Variants in FRMD4B observed in about 807,000 individuals in gnomAD.
FRMD4B encodes FERM domain-containing protein 4B.
FRMD4B carries 74 observed loss-of-function variants against 141.5 expected under a neutral mutation model. The observed-to-expected ratio is 0.52, with a 90% CI of 0.43 to 0.63. The LOEUF (loss-of-function observed/expected upper bound fraction) is 0.63, where lower values mean the gene tolerates loss of function less well. Among genes scored for constraint, FRMD4B ranks in the 30% least tolerant of loss-of-function variants. The pLI is 0.00. For missense variants in FRMD4B, 1,366 were observed against 1,253.4 expected (o/e 1.09, Z -1.36); for synonymous variants, 506 against 467.9 (o/e 1.08, Z -1.05).
At chr3:69,436,936 C>A (rs76512339) in intron 1 of FRMD4B, among the ~76,000 whole-genome samples, 2 of 152,132 alleles carry the variant, frequency 1.3e-5, no homozygotes, top group Non-Finnish European at 2.9e-5. Flanking sequence ...CAGTTGAATA[C>A]ACAGAGACAG....
intron 11 of FRMD4B, among the ~76,000 whole-genome samples, chr3:69,212,371 A>AG (rs2093091802): frequency 1.2e-5 from 1 of 86,904 alleles, no homozygotes; most frequent in East Asian, 2.9e-4. Flanking sequence ...AAAAAAAAAA[A>AG]AAAAAAAAAG....
At chr3:69,335,745 T>C (rs1422588852) in intron 1 of FRMD4B, among the ~76,000 whole-genome samples, 1 of 151,300 alleles carries the variant, frequency 6.6e-6, no homozygotes, top group South Asian at 2.1e-4. Context: ...TTTTTTTTTT[T>C]TTTCTTTTGA....
At chr3:69,476,485 G>C (rs9840703) in intron 1 of FRMD4B, among the ~76,000 whole-genome samples, 3,725 of 152,110 alleles carry the variant, frequency 0.024, 168 homozygotes, top group African/African-American at 0.084. Context: ...GCTTGTTTTT[G>C]TCAGGTTTGT....
chr3:69,345,223 G>A (rs1248156839), intron 1 of FRMD4B, among the ~76,000 whole-genome samples: 4 of 152,222 alleles, frequency 2.6e-5, no homozygotes, highest in South Asian at 2.1e-4. Flanking sequence ...CCATGCCCAC[G>A]GAGCCTCGCT....
chr3:69,395,310 T>C (rs936197199), intron 2 of FRMD4B, among the ~76,000 whole-genome samples: 1 of 152,076 alleles, frequency 6.6e-6, no homozygotes, highest in Non-Finnish European at 1.5e-5. Flanking sequence ...CAATAAATGG[T>C]AGAAGAAAAA....
At chr3:69,182,811 C>G in intron 19 of FRMD4B, 94 bp from the exon 20 acceptor site, 1 of 1,184,046 alleles carries the variant, frequency 8.4e-7, no homozygotes, top group Non-Finnish European at 1.2e-6. Flanking sequence ...ACTAGAAGCC[C>G]AAGGAAAGGG....
chr3:69,527,682 A>G (rs1575601409), intron 1 of FRMD4B, among the ~76,000 whole-genome samples: 1 of 152,294 alleles, frequency 6.6e-6, no homozygotes, highest in East Asian at 1.9e-4. Flanking sequence ...CCCATGTGTG[A>G]CCTCACCTAC....
intron 18 of FRMD4B, 73 bp downstream of exon 18, chr3:69,189,823 T>C (rs1208160586): frequency 1.5e-5 from 14 of 924,112 alleles, no homozygotes; most frequent in Admixed American, 6.0e-5. Flanking sequence ...TAGGCCTTAC[T>C]TAACTAAGAA....
chr3:69,228,266 C>G, intron 7 of FRMD4B: 1 of 455,134 alleles, frequency 2.2e-6, no homozygotes, highest in South Asian at 1.6e-5. Flanking sequence ...CACTAATACT[C>G]TACAAAGCAT....
chr3:69,421,438 C>T (rs1020509056), intron 2 of FRMD4B, among the ~76,000 whole-genome samples: 3 of 152,154 alleles, frequency 2.0e-5, no homozygotes, highest in Non-Finnish European at 2.9e-5. Flanking sequence ...ACAGTGGGGA[C>T]TGGAGAGCAC....
chr3:69,181,507 C>T lies in FRMD4B; in HGVS notation c.2243G>A (p.Gly748Asp). 6.2e-7 allele frequency: 1 copy of T among 1,613,766 alleles called. No individual in the cohort carries two copies. The highest frequency in any genetic ancestry group is 1.3e-5 in the African/African-American group (1 of 74,996). The change falls in exon 21 of 23, where the codon GGC (glycine) becomes GAC (aspartate). Residue 748 changes from glycine to aspartate, a missense_variant. By Grantham distance (94) the Gly-to-Asp change is moderately conservative. Coordinates refer to ENST00000398540, the MANE Select transcript of FRMD4B (RefSeq NM_015123.3). ...CAGGGTCTGGGTGGTGTAATAGGGG[C>T]CGGTAACTGGTGTCACACAGTAATA... is the stretch of plus-strand genomic sequence containing the variant. ...TEYYCVTPVT[G>D]PYYTTQTLDT... is the part of the protein sequence containing the mutation.
chr3:69,230,563 T>C (rs1036012675), intron 7 of FRMD4B, among the ~76,000 whole-genome samples: 11 of 151,678 alleles, frequency 7.3e-5, no homozygotes, highest in Admixed American at 6.6e-5. Context: ...CTGACCAACA[T>C]GGTGAAACCC....
intron 4 of FRMD4B, among the ~76,000 whole-genome samples, chr3:69,294,475 T>G (rs533854417): frequency 6.6e-6 from 1 of 152,322 alleles, no homozygotes; most frequent in South Asian, 2.1e-4. Context: ...AGGGGAACAG[T>G]CTTGGAGAAT....
intron 1 of FRMD4B, among the ~76,000 whole-genome samples, chr3:69,337,660 A>T (rs897973613): frequency 6.6e-6 from 1 of 152,232 alleles, no homozygotes; most frequent in Non-Finnish European, 1.5e-5. Context: ...ATGAACAGAC[A>T]CTTCTCAAAA....
intron 9 of FRMD4B, among the ~76,000 whole-genome samples, chr3:69,219,972 A>G (rs1050084125): frequency 2.0e-5 from 3 of 152,216 alleles, no homozygotes; most frequent in Admixed American, 6.5e-5. Flanking sequence ...GTATGGCTAC[A>G]TAGTATTCCA....
intron 11 of FRMD4B, among the ~76,000 whole-genome samples, chr3:69,212,359 CA>C (rs869309749): frequency 3.8e-3 from 96 of 25,340 alleles, no homozygotes; most frequent in African/African-American, 0.013. Flanking sequence ...AACCCCGTCT[CA>C]AAAAAAAAAA....
chr3:69,351,078 G>A (rs1273860014), intron 1 of FRMD4B, among the ~76,000 whole-genome samples: 2 of 151,628 alleles, frequency 1.3e-5, no homozygotes, highest in African/African-American at 4.8e-5. Context: ...CTTCCTTTAA[G>A]GAAAAAAAAA....
chr3:69,328,595 G>T (rs565632580), intron 1 of FRMD4B, among the ~76,000 whole-genome samples: 44 of 152,256 alleles, frequency 2.9e-4, no homozygotes, highest in Admixed American at 8.5e-4. Flanking sequence ...AGGTCATAAA[G>T]ACTCAGCTGA....
Position 69,171,999 on chromosome 3 carries a change from A to C in FRMD4B, c.2985-18T>G, listed in dbSNP as rs1004997350. On this transcript the variant is annotated intron_variant, in intron 22 of 22. Transcript: ENST00000398540. ...TGTATTGTCTATTAAAGAAAACCAGAAAAGTTACTACTTGTGGCCATATTT... is the reference window on the plus strand; with the variant it reads ...TGTATTGTCTATTAAAGAAAACCAGCAAAGTTACTACTTGTGGCCATATTT... 4 of 1,611,954 alleles carry C rather than the reference A, an allele frequency of 2.5e-6. No homozygotes were observed. Among genetic ancestry groups the C allele is most frequent in the Non-Finnish European group, 3.4e-6 (4 of 1,178,178 alleles).
Sources: allele counts gnomAD v4.1 joint callset (sites outside exome capture counted in the v4.1 genomes callset), GRCh38; gene constraint gnomAD v4.1.1; transcripts MANE v1.5; gene names NCBI Gene and HGNC (gene_info 2026-07-23, HGNC 2026-07-21).